The following SPATA9 variants were observed in gnomAD, a reference collection of about 807,000 sequenced individuals.
SPATA9 encodes spermatogenesis-associated protein 9.
Under a neutral mutation model 25.5 loss-of-function variants are expected in SPATA9, and 27 were observed. That is an observed-to-expected ratio of 1.06 (90% confidence interval 0.78 to 1.46). The LOEUF (loss-of-function observed/expected upper bound fraction) is 1.46, where lower values mean the gene tolerates loss of function less well. Ranked by LOEUF, SPATA9 falls within the 40% of genes most tolerant of loss-of-function variation. The pLI is 0.00. For synonymous variants in SPATA9, 102 were observed against 105.7 expected (o/e 0.97, Z 0.21); for missense variants, 282 against 297.5 (o/e 0.95, Z 0.38).
At chr5:95,663,479 T>C (rs923526024) in intron 4 of SPATA9, among the ~76,000 whole-genome samples, 1 of 152,158 alleles carries the variant, frequency 6.6e-6, no homozygotes, top group Non-Finnish European at 1.5e-5. Flanking sequence ...CACTTTCCTT[T>C]TTGTGTGTTA....
At chr5:95,667,044 TAACA>T (rs1374771340) in intron 3 of SPATA9, among the ~76,000 whole-genome samples, 1 of 152,320 alleles carries the variant, frequency 6.6e-6, no homozygotes, top group East Asian at 1.9e-4. Flanking sequence ...TTTTATCCTC[TAACA>T]AACCTATGAA....
chr5:95,700,669 T>A (rs992907143), upstream of SPATA9, among the ~76,000 whole-genome samples: 3 of 152,132 alleles, frequency 2.0e-5, no homozygotes, highest in African/African-American at 7.2e-5. Context: ...CTCAGCGATC[T>A]GCCCACCTCG....
intron 4 of SPATA9, among the ~76,000 whole-genome samples, chr5:95,663,268 A>G (rs150548): frequency 0.48 from 72,576 of 152,006 alleles, 18,200 homozygotes; most frequent in African/African-American, 0.65. Flanking sequence ...AAAAGAATAC[A>G]TACTATATGA....
chr5:95,680,377 T>G (rs1168664415), intron 2 of SPATA9, among the ~76,000 whole-genome samples: 1 of 152,194 alleles, frequency 6.6e-6, no homozygotes, highest in Non-Finnish European at 1.5e-5. Flanking sequence ...CTAAAATTTT[T>G]TCCACTTAGT....
chr5:95,716,214 G>A, the SPATA9 span, among the ~76,000 whole-genome samples: 5 of 152,216 alleles, frequency 3.3e-5, no homozygotes, highest in East Asian at 1.9e-4. Context: ...TAGATCCACC[G>A]ACAGCTTGCT....
At chr5:95,699,098 T>A (rs1754113909), upstream of SPATA9, among the ~76,000 whole-genome samples, 1 of 152,216 alleles carries the variant, frequency 6.6e-6, no homozygotes, top group Non-Finnish European at 1.5e-5. Context: ...ATTGAGCTTC[T>A]ATTTTTGCCA....
upstream of SPATA9, among the ~76,000 whole-genome samples, chr5:95,687,357 T>G (rs34465885): frequency 0.051 from 7,736 of 152,212 alleles, 274 homozygotes; most frequent in African/African-American, 0.098. Context: ...GAGAAAATGT[T>G]TAGACCTTCT....
chr5:95,731,581 G>C, the SPATA9 span: 3 of 1,545,584 alleles, frequency 1.9e-6, no homozygotes, highest in Non-Finnish European at 2.6e-6. Context: ...GGACGCGGCC[G>C]GGGATGAGCG....
chr5:95,695,147 C>T (rs1374685420), intron 1 of SPATA9, among the ~76,000 whole-genome samples: 2 of 152,040 alleles, frequency 1.3e-5, no homozygotes, highest in African/African-American at 2.4e-5. Flanking sequence ...TCTCATAGTG[C>T]TATTATAAAT....
exon 9 of SPATA9, chr5:95,652,999 C>T (rs556571775): frequency 7.3e-7 from 1 of 1,369,978 alleles, no homozygotes; most frequent in South Asian, 1.5e-5. Context: ...CCATACACAG[C>T]ACTGCACAAC....
upstream of SPATA9, among the ~76,000 whole-genome samples, chr5:95,699,300 G>C (rs1341747484): frequency 1.3e-5 from 2 of 152,132 alleles, no homozygotes; most frequent in African/African-American, 4.8e-5. Context: ...GATAAATCAT[G>C]CCTACTTTAC....
At chr5:95,721,354 T>G in the SPATA9 span, among the ~76,000 whole-genome samples, 6 of 152,152 alleles carry the variant, frequency 3.9e-5, no homozygotes. Context: ...AGAGTGTCCT[T>G]GTCCTACCCA....
the SPATA9 span, chr5:95,732,093 G>C: frequency 6.2e-7 from 1 of 1,611,820 alleles, no homozygotes; most frequent in Non-Finnish European, 8.5e-7. Flanking sequence ...GGGTAAGGAA[G>C]AGCAGCTGCT....
intron 4 of SPATA9, among the ~76,000 whole-genome samples, chr5:95,660,167 C>T (rs1037400406): frequency 2.0e-5 from 3 of 152,122 alleles, no homozygotes; most frequent in African/African-American, 7.2e-5. Flanking sequence ...CTGGCAGATT[C>T]AGGGTCTGGT....
intron 4 of SPATA9, among the ~76,000 whole-genome samples, chr5:95,662,931 G>A (rs1751399267): frequency 6.6e-6 from 1 of 152,188 alleles, no homozygotes; most frequent in Non-Finnish European, 1.5e-5. Context: ...TGTCAGTAAT[G>A]ATGTGGAGCA....
chr5:95,681,484 T>C (rs2112682282), intron 2 of SPATA9, among the ~76,000 whole-genome samples: 1 of 152,278 alleles, frequency 6.6e-6, no homozygotes, highest in South Asian at 2.1e-4. Flanking sequence ...CCTTCCTCAG[T>C]AGAGTCATTC....
At chr5:95,730,240 A>T in the SPATA9 span, among the ~76,000 whole-genome samples, 2 of 152,198 alleles carry the variant, frequency 1.3e-5, no homozygotes, top group African/African-American at 2.4e-5. Context: ...CCCCTCTTTC[A>T]TACCCTCAAA....
upstream of SPATA9, among the ~76,000 whole-genome samples, chr5:95,701,766 G>C (rs1422479415): frequency 6.6e-6 from 1 of 152,094 alleles, no homozygotes; most frequent in Non-Finnish European, 1.5e-5. Flanking sequence ...TGCATGCTGA[G>C]AAAACACCAC....
intron 3 of SPATA9, among the ~76,000 whole-genome samples, chr5:95,669,188 C>T (rs543202857): frequency 4.6e-5 from 7 of 152,220 alleles, no homozygotes; most frequent in African/African-American, 1.4e-4. Flanking sequence ...GCTTTTAATC[C>T]GGTGGTCCTG....
Sources: allele counts gnomAD v4.1 joint callset (sites outside exome capture counted in the v4.1 genomes callset), GRCh38; gene constraint gnomAD v4.1.1; transcripts MANE v1.5; gene names NCBI Gene and HGNC (gene_info 2026-07-23, HGNC 2026-07-21).